The following PKHD1 variants were observed in gnomAD, a reference collection of about 807,000 sequenced individuals.
PKHD1 encodes fibrocystin.
A neutral mutation model predicts 412.0 loss-of-function variants in PKHD1; 291 were observed. The observed-to-expected ratio is 0.71, with a 90% CI of 0.64 to 0.78. The LOEUF (loss-of-function observed/expected upper bound fraction) is 0.78, where lower values mean the gene tolerates loss of function less well. Ranked by LOEUF, PKHD1 falls within the 30% of genes least tolerant of loss-of-function variation. The probability of loss-of-function intolerance (pLI) is 0.00; values close to 1 mark genes in which losing one functional copy is unlikely to be tolerated. For missense variants in PKHD1, 4,825 were observed against 4,950.7 expected, an observed-to-expected ratio of 0.97 and a Z score of 0.76; for synonymous variants, 1,777 against 1,821.5, an observed-to-expected ratio of 0.98 and a Z score of 0.62.
chr6:51,819,806 G>A (rs1019719038), intron 52 of PKHD1, among the ~76,000 whole-genome samples: 12 of 152,134 alleles, frequency 7.9e-5, no homozygotes, highest in Admixed American at 4.6e-4. Flanking sequence ...TTGGCTTTGC[G>A]AGGGGTTTTA....
intron 36 of PKHD1, among the ~76,000 whole-genome samples, chr6:51,950,220 A>AAAATATATATATATAT: frequency 6.9e-4 from 68 of 98,272 alleles, no homozygotes; most frequent in South Asian, 2.9e-3. Context: ...GAAAAAAAAA[A>AAAATATATATATATAT]ATATATATAT....
chr6:51,617,680 T>C lies in PKHD1; in HGVS notation c.*1401A>G, dbSNP rs1211952288. On this transcript the variant is annotated 3_prime_UTR_variant, in exon 67 of 67. Coordinates refer to ENST00000371117, the MANE Select transcript of PKHD1 (RefSeq NM_138694.4). ...ACTCACCAGATGCCTAAAGAAGAGGTTAAAACATTTCTGCCAATTCTTAGT... is the reference window on the plus strand; with the variant it reads ...ACTCACCAGATGCCTAAAGAAGAGGCTAAAACATTTCTGCCAATTCTTAGT... 1 of 151,960 alleles carries C rather than the reference T, an allele frequency of 6.6e-6. No individual in the cohort carries two copies. The highest frequency in any genetic ancestry group is 1.5e-5 in the Non-Finnish European group (1 of 67,994). The allele number at this position is 151,960 out of a possible 1,614,324, so 9.4% of individuals were successfully genotyped here.
Position 52,076,091 on chromosome 6 carries a change from A to C in PKHD1, c.448+185T>G, listed in dbSNP as rs116647738. ...CCTTTTGTTATCAGTGAAGTAATAG[A>C]GCAAAAGTGCCCAGAGGTAAAACCA... On this transcript the variant is annotated intron_variant, in intron 6 of 66. Coordinates refer to ENST00000371117, the MANE Select transcript of PKHD1 (RefSeq NM_138694.4). 0.026 allele frequency among the ~76,000 whole-genome samples: 3,909 copies of C among 152,306 alleles called. 80 individuals are homozygous for C. The highest frequency in any genetic ancestry group is 0.084 in the South Asian group (407 of 4,832).
intron 60 of PKHD1, among the ~76,000 whole-genome samples, chr6:51,707,839 C>A (rs142565624): frequency 0.014 from 2,174 of 152,160 alleles, 34 homozygotes; most frequent in Middle Eastern, 0.041. Context: ...TGCTTTTATT[C>A]TGTGAATTTG....
intron 49 of PKHD1, among the ~76,000 whole-genome samples, chr6:51,853,096 G>A (rs575337957): frequency 8.2e-4 from 125 of 152,230 alleles, no homozygotes; most frequent in Non-Finnish European, 1.5e-3. Context: ...TTGCAGGGCA[G>A]GTCTGGTGGT....
At chr6:51,985,404 A>G (rs1347227713) in intron 35 of PKHD1, among the ~76,000 whole-genome samples, 1 of 152,218 alleles carries the variant, frequency 6.6e-6, no homozygotes, top group East Asian at 1.9e-4. Context: ...AATATACAAC[A>G]ACGAAAAATT....
intron 59 of PKHD1, among the ~76,000 whole-genome samples, chr6:51,744,980 C>G (rs141960342): frequency 5.9e-5 from 9 of 152,126 alleles, no homozygotes; most frequent in African/African-American, 2.2e-4. Flanking sequence ...CTACAAAAGA[C>G]AGGCTGGGTA....
intron 66 of PKHD1, 92 bp from the exon 67 acceptor site, chr6:51,619,612 G>T: frequency 9.7e-7 from 1 of 1,033,962 alleles, no homozygotes; most frequent in Non-Finnish European, 1.5e-6. Flanking sequence ...ACAAGATATT[G>T]TCAAATCAAA....
At chr6:51,673,519 CTTTG>C (rs1345607380) in intron 60 of PKHD1, among the ~76,000 whole-genome samples, 3 of 152,320 alleles carry the variant, frequency 2.0e-5, no homozygotes, top group Non-Finnish European at 2.9e-5. Flanking sequence ...TTTGCATAGT[CTTTG>C]TTTATTTTCT....
chr6:51,765,827 T>C (rs149282030), intron 55 of PKHD1, among the ~76,000 whole-genome samples: 80 of 152,228 alleles, frequency 5.3e-4, no homozygotes, highest in Middle Eastern at 6.8e-3. Flanking sequence ...ACCTGGCACA[T>C]AGTAAATATT....
chr6:52,030,209 G>A (rs1356827756), intron 29 of PKHD1, among the ~76,000 whole-genome samples: 1 of 152,146 alleles, frequency 6.6e-6, no homozygotes, highest in African/African-American at 2.4e-5. Context: ...TGGTGTGGTG[G>A]GAAGACTATG....
chr6:51,743,119 A>G (rs753728622), intron 60 of PKHD1, among the ~76,000 whole-genome samples: 2 of 152,132 alleles, frequency 1.3e-5, no homozygotes, highest in Non-Finnish European at 2.9e-5. Flanking sequence ...CTGGGACTTC[A>G]TTCTGAATGG....
chr6:51,630,352 C>G (rs1177464854), intron 65 of PKHD1, among the ~76,000 whole-genome samples: 1 of 152,132 alleles, frequency 6.6e-6, no homozygotes, highest in Non-Finnish European at 1.5e-5. Context: ...AATGCAGAAG[C>G]TGCCAAGAGA....
rs9382044 is a variant in PKHD1, at chr6:51,867,830, G to A, written c.7733+33C>T. ...CCAGAATAACAGATGCATGCCCATC[G>A]GCAAGCTAAAAAGTATAGTTAATTC... On this transcript the variant is annotated intron_variant, in intron 48 of 66. Transcript: ENST00000371117. The A allele has an allele frequency of 0.36, 573,822 of 1,597,854 alleles. 114,917 individuals carry two copies. The highest frequency in any genetic ancestry group is 0.83 in the East Asian group (37,163 of 44,752).
intron 61 of PKHD1, among the ~76,000 whole-genome samples, chr6:51,655,194 A>T (rs751031860): frequency 1.4e-4 from 22 of 152,258 alleles, no homozygotes; most frequent in Non-Finnish European, 2.5e-4. Context: ...CTCTTCTAGG[A>T]TGAACATTCT....
chr6:51,798,399 A>G (rs1022630256), intron 52 of PKHD1, among the ~76,000 whole-genome samples: 10 of 152,100 alleles, frequency 6.6e-5, no homozygotes, highest in Admixed American at 2.0e-4. Context: ...GAAAGAAAGA[A>G]AAAGAAATTA....
intron 57 of PKHD1, 119 bp from the exon 58 acceptor site, chr6:51,748,784 C>T (rs1182801884): frequency 1.2e-6 from 1 of 824,208 alleles, no homozygotes. Context: ...TTATTCTCAA[C>T]ACCAACATTA....
In PKHD1 at chr6:52,056,717, G is replaced by A. The variant is rs1562248370; in HGVS notation, c.1674C>T (p.Leu558=). Residue 558 remains leucine (L), a synonymous_variant, in exon 18 of 67, where the codon CTC becomes CTT. Coordinates refer to ENST00000371117, the MANE Select transcript of PKHD1 (RefSeq NM_138694.4). Reference sequence around the variant, plus strand: ...CAGCACCTCGTTCAAATCCAAGCCGGAGAAGGATGTTAGACCAAAGGGGTT... The same window carrying A: ...CAGCACCTCGTTCAAATCCAAGCCGAAGAAGGATGTTAGACCAAAGGGGTT... ...KLEPLWSNIL[L]RLGFERGPEV... The A allele has an allele frequency of 1.2e-6, 2 of 1,613,194 alleles. No individual in the cohort carries two copies. The highest frequency in any genetic ancestry group is 2.2e-5 in the South Asian group (2 of 91,058).
chr6:51,925,453 GTA>G (rs70977318), intron 37 of PKHD1, among the ~76,000 whole-genome samples: 1,061 of 94,222 alleles, frequency 0.011, 8 homozygotes, highest in Non-Finnish European at 0.016. Flanking sequence ...GTGTGTGTGT[GTA>G]TGTGTGTGTG....
Sources: gnomAD v4.1 joint callset for allele counts (sites outside exome capture counted in the v4.1 genomes callset) on GRCh38, gnomAD v4.1.1 for gene constraint, MANE v1.5 for transcripts, NCBI Gene and HGNC (gene_info 2026-07-23, HGNC 2026-07-21) for gene names.